The following PRPF4 variants were observed in gnomAD, a reference collection of about 807,000 sequenced individuals.
PRPF4 encodes the protein U4/U6 small nuclear ribonucleoprotein Prp4.
Under a neutral mutation model 72.2 loss-of-function variants are expected in PRPF4, and 14 were observed. That is an observed-to-expected ratio of 0.19 (90% confidence interval 0.13 to 0.30). The LOEUF (loss-of-function observed/expected upper bound fraction) is 0.30, where lower values mean the gene tolerates loss of function less well. Among genes scored for constraint, PRPF4 ranks in the 10% least tolerant of loss-of-function variants. The probability of loss-of-function intolerance (pLI) is 1.00; values close to 1 mark genes in which losing one functional copy is unlikely to be tolerated. For missense variants in PRPF4, 478 were observed against 653.9 expected (o/e 0.73, Z 2.93); for synonymous variants, 225 against 232.2 (o/e 0.97, Z 0.28).
In PRPF4 at chr9:113,278,981, G is replaced by A. The variant is rs376657266; in HGVS notation, c.242G>A (p.Arg81Gln). The change falls in exon 3 of 14, where the codon CGA becomes CAA. Residue 81 changes from arginine (R) to glutamine (Q), a missense_variant. Physicochemically the swap from Arg to Gln is conservative, Grantham distance 43. Transcript: ENST00000374198. ...VFEIEEHISE[R>Q]QAEVLAEFER... is the part of the protein sequence containing the mutation. ...GAAATTGAAGAGCATATCAGCGAGC[G>A]ACAGGCAGAAGTATTGGCTGAGTTT... is the stretch of plus-strand genomic sequence containing the variant. The A allele has an allele frequency of 3.1e-6, 5 of 1,614,058 alleles. No individual in the cohort carries two copies. Among genetic ancestry groups the A allele is most frequent in the Admixed American group, 1.7e-5 (1 of 60,000 alleles).
At chr9:113,276,757 T>C in intron 2 of PRPF4, 32 bp downstream of exon 2, 7 of 1,572,480 alleles carry the variant, frequency 4.5e-6, no homozygotes, top group Non-Finnish European at 6.0e-6. Context: ...CATCTTTACC[T>C]CTTTGTGTAA....
At chr9:113,289,351 G>T (rs545941340) in intron 10 of PRPF4, among the ~76,000 whole-genome samples, 16 of 152,288 alleles carry the variant, frequency 1.1e-4, no homozygotes, top group African/African-American at 3.1e-4. Context: ...GAGTACAATT[G>T]CTGGGTCATA....
chr9:113,285,086 C>G (rs1832394626), intron 7 of PRPF4, among the ~76,000 whole-genome samples: 1 of 152,086 alleles, frequency 6.6e-6, no homozygotes, highest in African/African-American at 2.4e-5. Context: ...AGCCTCATTA[C>G]CTTCACTATA....
chr9:113,282,911 G>T, intron 4 of PRPF4, 178 bp downstream of exon 4: 1 of 1,018,168 alleles, frequency 9.8e-7, no homozygotes. Flanking sequence ...TATGAATGGA[G>T]CTAAGTGAGT....
rs991624624 is a variant in PRPF4, at chr9:113,288,983, C to G, written c.1022+719C>G. Among the ~76,000 whole-genome samples the G allele has an allele frequency of 1.3e-4, 20 of 152,306 alleles. No homozygotes were observed. In the East Asian group the frequency reaches 3.3e-3, roughly 25 times the overall value. On this transcript the variant is annotated intron_variant, in intron 10 of 13. Transcript: ENST00000374198. Reference sequence around the variant, plus strand: ...AAACGCGTACCATTCCTGTGATCGACACCTCTGTCAATATAGAGAATAGTC... The same window carrying G: ...AAACGCGTACCATTCCTGTGATCGAGACCTCTGTCAATATAGAGAATAGTC...
intron 3 of PRPF4, among the ~76,000 whole-genome samples, chr9:113,280,374 A>T (rs1832242294): frequency 1.3e-5 from 2 of 152,104 alleles, no homozygotes; most frequent in South Asian, 4.1e-4. Context: ...TGTTCTGATG[A>T]TTCCCAAATC....
chr9:113,285,412 A>G (rs1832409015), intron 7 of PRPF4, among the ~76,000 whole-genome samples: 1 of 107,486 alleles, frequency 9.3e-6, no homozygotes, highest in African/African-American at 3.7e-5. Flanking sequence ...GGAGTGTCAC[A>G]CTTTCGGCCA....
chr9:113,281,634 T>C (rs1318756209), intron 3 of PRPF4, among the ~76,000 whole-genome samples: 3 of 152,228 alleles, frequency 2.0e-5, no homozygotes, highest in African/African-American at 4.8e-5. Flanking sequence ...TGTTCTACGC[T>C]CCAGCCATAT....
At chr9:113,282,477 G>A (rs12352634) in intron 3 of PRPF4, among the ~76,000 whole-genome samples, 169 bp from the exon 4 acceptor site, 69 of 148,724 alleles carry the variant, frequency 4.6e-4, no homozygotes, top group Non-Finnish European at 3.7e-4. Context: ...CTCTTAAAAA[G>A]AAAAAAAAAA....
intron 7 of PRPF4, 79 bp from the exon 8 acceptor site, chr9:113,286,153 G>A: frequency 6.8e-7 from 1 of 1,464,406 alleles, no homozygotes; most frequent in African/African-American, 1.4e-5. Context: ...AGAAGAGATT[G>A]TCCTTTAGTA....
intron 3 of PRPF4, among the ~76,000 whole-genome samples, chr9:113,282,369 G>C (rs1832306880): frequency 1.3e-5 from 2 of 152,108 alleles, no homozygotes; most frequent in Admixed American, 1.3e-4. Flanking sequence ...CCACTCGGGA[G>C]GCTGGAGTGG....
chr9:113,290,266 G>T (rs146578282), intron 10 of PRPF4, among the ~76,000 whole-genome samples, 200 bp from the exon 11 acceptor site: 304 of 151,874 alleles, frequency 2.0e-3, no homozygotes, highest in African/African-American at 7.0e-3. Flanking sequence ...GCGATTCCAT[G>T]GTTTTCAGCT....
chr9:113,289,413 T>C (rs1183784987), intron 10 of PRPF4, among the ~76,000 whole-genome samples: 2 of 152,206 alleles, frequency 1.3e-5, no homozygotes, highest in African/African-American at 2.4e-5. Context: ...CCCACCAGTT[T>C]TCCAAAGCGG....
chr9:113,289,452 G>A (rs1468346758), intron 10 of PRPF4, among the ~76,000 whole-genome samples: 2 of 152,090 alleles, frequency 1.3e-5, no homozygotes, highest in African/African-American at 4.8e-5. Context: ...CCGGAGTTCT[G>A]GTTACTTCAC....
chr9:113,290,802 C>T lies in PRPF4; in HGVS notation c.1248C>T (p.Pro416=), dbSNP rs1330264579. The T allele has an allele frequency of 1.2e-6, 2 of 1,613,958 alleles. No homozygotes were observed. The highest frequency in any genetic ancestry group is 2.7e-5 in the African/African-American group (2 of 74,932). Residue 416 remains proline, a synonymous_variant, in exon 12 of 14, where the codon CCC becomes CCT. Coordinates refer to ENST00000374198, the MANE Select transcript of PRPF4 (RefSeq NM_001244926.2). ...AAATCTATGGAATAAATTTCTCCCC[C>T]AATGGGTAAAATAAACACACTGAAT... ...LKEIYGINFS[P]NGYHIATGSG...
Position 113,291,606 on chromosome 9 carries a change from G to C in PRPF4, c.1512G>C (p.Gln504His), listed in dbSNP as rs1372684454. 6 of 1,614,084 alleles carry C rather than the reference G, an allele frequency of 3.7e-6. No individual in the cohort carries two copies. The highest frequency in any genetic ancestry group is 1.3e-5 in the African/African-American group (1 of 74,932). ...GCCTAGATATTTCTTCCGATGGGCA[G>C]CTCATAGCCACTTGCTCATATGACA... Reference protein sequence around the residue: ...VMGLDISSDGQLIATCSYDRT... With the variant: ...VMGLDISSDGHLIATCSYDRT... Residue 504 changes from glutamine to histidine, a missense_variant, in exon 14 of 14, where the codon CAG becomes CAC. By Grantham distance (24) the Gln-to-His change is conservative. Transcript: ENST00000374198.
rs369712846 is a variant in PRPF4, at chr9:113,282,951, C to T, written c.481-181C>T. ...CAGTCAGGAAAGAATCATGGCATTC[C>T]TGGTATAACCATGTAGTTACATATC... On this transcript the variant is annotated intron_variant, in intron 4 of 13. Transcript: ENST00000374198. The T allele has an allele frequency of 1.2e-5, 15 of 1,202,410 alleles. No individual in the cohort carries two copies. In the African/African-American group the frequency reaches 1.7e-4, roughly 14 times the overall value. 74.5% of individuals were successfully genotyped at this position (1,202,410 alleles called of 1,614,324 possible).
At chr9:113,286,556 A>T (rs1473619652) in intron 8 of PRPF4, 149 bp from the exon 9 acceptor site, 2 of 1,229,528 alleles carry the variant, frequency 1.6e-6, no homozygotes, top group African/African-American at 1.5e-5. Context: ...TAAAAATGTA[A>T]TTTAAATATT....
At chr9:113,279,222 G>C in intron 3 of PRPF4, 91 bp downstream of exon 3, 2 of 1,148,282 alleles carry the variant, frequency 1.7e-6, no homozygotes, top group East Asian at 5.1e-5. Flanking sequence ...AACTTTAATA[G>C]AATGTCTCAA....
Sources: gnomAD v4.1 joint callset for allele counts (sites outside exome capture counted in the v4.1 genomes callset) on GRCh38, gnomAD v4.1.1 for gene constraint, MANE v1.5 for transcripts, NCBI Gene and HGNC (gene_info 2026-07-23, HGNC 2026-07-21) for gene names.